DOCK2: variants seen among roughly 807,000 people sequenced by gnomAD.
DOCK2 encodes dedicator of cytokinesis 2.
DOCK2 carries 87 observed loss-of-function variants against 248.9 expected under a neutral mutation model. The ratio of observed to expected loss-of-function variants is 0.35; its 90% CI spans 0.29 to 0.42. The LOEUF (loss-of-function observed/expected upper bound fraction) is 0.42. DOCK2 is among the 10% of genes least tolerant of loss of function. The pLI, the probability that DOCK2 is intolerant of heterozygous loss-of-function variation, is 1.00. For missense variants in DOCK2, 1,747 were observed against 2,300.2 expected (o/e 0.76, Z 4.92); for synonymous variants, 805 against 821.6 (o/e 0.98, Z 0.35).
At chr5:170,049,511 C>T (rs1451409843) in intron 40 of DOCK2, among the ~76,000 whole-genome samples, 1 of 152,184 alleles carries the variant, frequency 6.6e-6, no homozygotes, top group Admixed American at 6.5e-5. Context: ...TGTGTTTGGA[C>T]AGAGGAAATT....
rs749049258 is a variant in DOCK2, at chr5:169,935,794, TA to T, written c.2800-47268del. On this transcript the variant is annotated intron_variant, in intron 27 of 51. Transcript: ENST00000520908. ...AGAAAAAACGCGTTGTGTAAAAATA[TA>T]AAAAATCAGACATTTCTGGTAGAAC... 9.2e-5 allele frequency among the ~76,000 whole-genome samples: 14 copies of T among 152,264 alleles called. No individual in the cohort carries two copies. In the East Asian group the frequency reaches 1.9e-3, roughly 21 times the overall value.
At chr5:170,014,004 C>T (rs1755411832) in intron 32 of DOCK2, among the ~76,000 whole-genome samples, 1 of 151,994 alleles carries the variant, frequency 6.6e-6, no homozygotes, top group African/African-American at 2.4e-5. Context: ...GTGACAGACT[C>T]CTACTTAGTG....
chr5:169,714,124 T>C lies in DOCK2; in HGVS notation c.1756T>C (p.Ser586Pro), dbSNP rs1265967996. ...ENKGATLSRS[S>P]SSVGGLSVSS... ...CAAGGGGGCCACGCTGAGCAGGAGC[T>C]CCAGCAGTGTTGGGGGGCTTTCTGT... The change falls in exon 18 of 52, where the codon TCC (serine) becomes CCC (proline). Residue 586 changes from serine to proline, a missense_variant. Ser to Pro is a moderately conservative substitution (Grantham distance 74). This residue lies in a region of DOCK2 where 858 missense variants were observed against 1,183.5 expected (regional missense o/e 0.72). Coordinates refer to ENST00000520908, the MANE Select transcript of DOCK2 (RefSeq NM_004946.3). 2.0e-5 allele frequency: 32 copies of C among 1,613,770 alleles called. No individual in the cohort carries two copies. The highest frequency in any genetic ancestry group is 2.5e-5 in the Non-Finnish European group (30 of 1,179,884).
chr5:169,797,025 G>A (rs1392532223), intron 25 of DOCK2, among the ~76,000 whole-genome samples: 1 of 152,254 alleles, frequency 6.6e-6, no homozygotes, highest in Non-Finnish European at 1.5e-5. Flanking sequence ...CAGGGAGCAG[G>A]TAGGGTGGTT....
intron 1 of DOCK2, among the ~76,000 whole-genome samples, chr5:169,647,458 A>G (rs10067174): frequency 0.011 from 1,679 of 152,214 alleles, 39 homozygotes; most frequent in African/African-American, 0.039. Flanking sequence ...GAGTTGCCCC[A>G]TCTTGCCTTT....
intron 26 of DOCK2, among the ~76,000 whole-genome samples, chr5:169,825,919 A>T (rs575500470): frequency 3.4e-4 from 52 of 152,196 alleles, no homozygotes; most frequent in Middle Eastern, 3.4e-3. Context: ...AAGTGAAGAA[A>T]GGAGAGGAGA....
At chr5:169,929,626 C>T (rs1217021952) in intron 27 of DOCK2, among the ~76,000 whole-genome samples, 1 of 151,674 alleles carries the variant, frequency 6.6e-6, no homozygotes, top group Non-Finnish European at 1.5e-5. Flanking sequence ...GCCTGTAGTC[C>T]CTGCTACTCG....
chr5:169,901,242 G>GT (rs1773906501), intron 27 of DOCK2, among the ~76,000 whole-genome samples: 1 of 152,198 alleles, frequency 6.6e-6, no homozygotes, highest in Admixed American at 6.5e-5. Flanking sequence ...TCTGATGCAA[G>GT]AAAGGTATTT....
intron 44 of DOCK2, among the ~76,000 whole-genome samples, chr5:170,064,900 T>C (rs1376429011): frequency 6.6e-6 from 1 of 152,082 alleles, no homozygotes; most frequent in Admixed American, 6.6e-5. Flanking sequence ...AGGATGCTAG[T>C]TAGTAACGTG....
At chr5:169,676,249 A>G (rs1392588001) in intron 6 of DOCK2, among the ~76,000 whole-genome samples, 2 of 151,884 alleles carry the variant, frequency 1.3e-5, no homozygotes, top group Admixed American at 6.6e-5. Context: ...CTTCCCTCCT[A>G]TTGTGGAAGA....
chr5:169,778,255 C>T (rs1765494370), intron 25 of DOCK2, among the ~76,000 whole-genome samples: 1 of 152,214 alleles, frequency 6.6e-6, no homozygotes, highest in Non-Finnish European at 1.5e-5. Flanking sequence ...ATGATCACCT[C>T]TTTGCAGGTG....
At chr5:169,654,301 CTGCGTGGGCA>C (rs1757970098) in intron 1 of DOCK2, 92 bp from the exon 2 acceptor site, 1 of 1,306,938 alleles carries the variant, frequency 7.7e-7, no homozygotes, top group South Asian at 1.3e-5. Flanking sequence ...CCCAGGTGGG[CTGCGTGGGCA>C]TGGGATGGAC....
chr5:169,978,145 A>C (rs1777783415), intron 27 of DOCK2, among the ~76,000 whole-genome samples: 1 of 152,104 alleles, frequency 6.6e-6, no homozygotes. Flanking sequence ...ACGTGTCACC[A>C]GCTGGTATCA....
chr5:169,746,360 G>A (rs1412075956), intron 22 of DOCK2, among the ~76,000 whole-genome samples: 1 of 152,156 alleles, frequency 6.6e-6, no homozygotes, highest in Admixed American at 6.5e-5. Context: ...CAGTGCTGAG[G>A]GGGCTGTGAC....
chr5:169,880,248 C>T (rs567852249), intron 27 of DOCK2, among the ~76,000 whole-genome samples: 3 of 152,298 alleles, frequency 2.0e-5, no homozygotes, highest in African/African-American at 7.2e-5. Context: ...GGTGGTTCCT[C>T]TTTGTAAGGA....
At position 169,711,956 on chromosome 5, in the gene DOCK2, A is replaced by C. The variant is rs1331851317; in HGVS notation, c.1504A>C (p.Met502Leu). Reference sequence around the variant, plus strand: ...TGAGGTGGCTGTCCCTATTGAAGACATGCAGAGGATCCATCTGCGATTCAT... The same window carrying C: ...TGAGGTGGCTGTCCCTATTGAAGACCTGCAGAGGATCCATCTGCGATTCAT... ...TVKVAVPIED[M>L]QRIHLRFMFR... Residue 502 changes from methionine (M) to leucine (L), a missense_variant, in exon 16 of 52, where the codon ATG (methionine) becomes CTG (leucine). By Grantham distance (15) the Met-to-Leu change is conservative. This residue lies in a region of DOCK2 where 858 missense variants were observed against 1,183.5 expected (regional missense o/e 0.72). Transcript: ENST00000520908. 1 of 1,613,944 alleles carries C rather than the reference A, an allele frequency of 6.2e-7. No individual in the cohort carries two copies. Among genetic ancestry groups the C allele is most frequent in the Non-Finnish European group, 8.5e-7 (1 of 1,179,962 alleles).
intron 1 of DOCK2, 128 bp downstream of exon 1, chr5:169,637,497 C>G: frequency 9.0e-7 from 1 of 1,105,748 alleles, no homozygotes; most frequent in Non-Finnish European, 1.2e-6. Context: ...GAGGGCGCAG[C>G]CTGCGGCGGG....
At chr5:169,726,967 G>C (rs1762505065) in intron 22 of DOCK2, among the ~76,000 whole-genome samples, 1 of 151,946 alleles carries the variant, frequency 6.6e-6, no homozygotes. Context: ...TACTGGAGAG[G>C]CTGAGGTGAA....
At chr5:169,868,691 G>T (rs1231975221) in intron 27 of DOCK2, among the ~76,000 whole-genome samples, 6 of 152,204 alleles carry the variant, frequency 3.9e-5, no homozygotes. Flanking sequence ...CCAGGAAATT[G>T]TGGCTGCAAT....
Sources: gnomAD v4.1 joint callset for allele counts (sites outside exome capture counted in the v4.1 genomes callset) on GRCh38, gnomAD v4.1.1 for gene constraint, gnomAD v4.1.1 regional missense constraint, MANE v1.5 for transcripts, NCBI Gene and HGNC (gene_info 2026-07-23, HGNC 2026-07-21) for gene names.